CROT: variants seen among roughly 807,000 people sequenced by gnomAD.
The protein encoded by CROT is peroxisomal carnitine O-octanoyltransferase.
A neutral mutation model predicts 89.2 loss-of-function variants in CROT; 84 were observed. The observed-to-expected ratio is 0.94, with a 90% CI of 0.79 to 1.13. The LOEUF is 1.13. Ranked by LOEUF, CROT falls within the 50% of genes most tolerant of loss-of-function variation. The probability of loss-of-function intolerance (pLI) is 0.00; values close to 1 mark genes in which losing one functional copy is unlikely to be tolerated. For synonymous variants in CROT, 212 were observed against 239.5 expected (o/e 0.89, Z 1.06); for missense variants, 711 against 727.8 (o/e 0.98, Z 0.27).
In CROT at chr7:87,367,667, T is replaced by C. The variant is rs576227057; in HGVS notation, c.548-1709T>C. Among the ~76,000 whole-genome samples, 5 of 152,364 alleles carry C rather than the reference T, an allele frequency of 3.3e-5. No homozygotes were observed. The South Asian group carries it at 1.0e-3, about 32-fold the overall frequency. On this transcript the variant is annotated intron_variant, in intron 6 of 17. Transcript: ENST00000331536. The stretch of plus-strand genomic sequence containing the variant: ...AAGGACAACTCTTCTATATCTGTGC[T>C]GAGTCCCGCTTCCTCTTGCTTAGTC...
At chr7:87,398,335 A>C in intron 17 of CROT, 189 bp from the exon 18 acceptor site, 1 of 718,582 alleles carries the variant, frequency 1.4e-6, no homozygotes, top group Non-Finnish European at 2.5e-6. Context: ...CATCTAATGA[A>C]TGAGGTGTTT....
intron 7 of CROT, among the ~76,000 whole-genome samples, chr7:87,373,004 T>G (rs964198850): frequency 6.6e-6 from 1 of 152,142 alleles, no homozygotes; most frequent in Non-Finnish European, 1.5e-5. Flanking sequence ...AGGGGTAGAA[T>G]TGCCAGGTCA....
intron 13 of CROT, among the ~76,000 whole-genome samples, chr7:87,385,031 A>T (rs542236537): frequency 3.3e-4 from 50 of 152,088 alleles, no homozygotes; most frequent in African/African-American, 1.1e-3. Flanking sequence ...TGGGTTCTCT[A>T]TTCTGTTCCA....
intron 7 of CROT, among the ~76,000 whole-genome samples, chr7:87,374,965 T>G (rs802062): frequency 0.88 from 133,360 of 151,938 alleles, 58,713 homozygotes; most frequent in Middle Eastern, 0.94. Flanking sequence ...TTGACTGATG[T>G]AAATTTCTTT....
intron 3 of CROT, chr7:87,357,636 C>T (rs1449684121): frequency 6.3e-6 from 5 of 799,016 alleles, no homozygotes; most frequent in Non-Finnish European, 1.1e-5. Context: ...TTGAAAGCTA[C>T]TCCATTGCGG....
At chr7:87,368,777 A>T (rs1015553200) in intron 6 of CROT, among the ~76,000 whole-genome samples, 7 of 152,244 alleles carry the variant, frequency 4.6e-5, no homozygotes, top group Non-Finnish European at 7.3e-5. Context: ...ATATCAGAAT[A>T]GTCTGAGGTT....
At position 87,361,241 on chromosome 7, in the gene CROT, G is replaced by T. The variant is rs1035577999; in HGVS notation, c.241-149G>T. 9 of 755,618 alleles carry T rather than the reference G, an allele frequency of 1.2e-5. No individual in the cohort carries two copies. The African/African-American group carries it at 1.6e-4, about 14-fold the overall frequency. 46.8% of individuals were successfully genotyped at this position (755,618 alleles called of 1,614,324 possible). On this transcript the variant is annotated intron_variant, in intron 4 of 17. Coordinates refer to ENST00000331536, the MANE Select transcript of CROT (RefSeq NM_021151.4). Reference sequence around the variant, plus strand: ...GCCTCCCAAAGTGCTGGGATTATAGGTGTGAGTCACCTCACCCAGCCAAAA... The same window carrying T: ...GCCTCCCAAAGTGCTGGGATTATAGTTGTGAGTCACCTCACCCAGCCAAAA...
At chr7:87,367,940 C>G (rs1388696964) in intron 6 of CROT, among the ~76,000 whole-genome samples, 1 of 152,180 alleles carries the variant, frequency 6.6e-6, no homozygotes, top group Non-Finnish European at 1.5e-5. Flanking sequence ...CTCCATGTAA[C>G]AGCTGGAGGG....
At chr7:87,377,706 T>C (rs1233659837) in intron 10 of CROT, among the ~76,000 whole-genome samples, 1 of 152,204 alleles carries the variant, frequency 6.6e-6, no homozygotes, top group Non-Finnish European at 1.5e-5. Context: ...ATATAAGCTC[T>C]TAAAACCCAG....
intron 4 of CROT, among the ~76,000 whole-genome samples, chr7:87,361,179 C>A (rs79138769): frequency 0.028 from 4,242 of 151,110 alleles, 91 homozygotes; most frequent in South Asian, 0.059. Context: ...CCCAGGCTGG[C>A]CTCTAGGTCC....
At chr7:87,396,241 C>A (rs939736405) in intron 17 of CROT, among the ~76,000 whole-genome samples, 1 of 152,072 alleles carries the variant, frequency 6.6e-6, no homozygotes, top group Non-Finnish European at 1.5e-5. Context: ...CCATCCTGAG[C>A]AATATAGTAA....
chr7:87,349,157 A>G lies in CROT; in HGVS notation c.89A>G (p.Glu30Gly). 2 of 1,587,596 alleles carry G rather than the reference A, an allele frequency of 1.3e-6. No homozygotes were observed. The highest frequency in any genetic ancestry group is 2.3e-5 in the South Asian group (2 of 88,456). ...LPSLPVPSLEESLKKYLESVK... is the reference protein window; with the variant it reads ...LPSLPVPSLEGSLKKYLESVK... ...TCACTGCCTGTTCCTTCACTTGAAG[A>G]ATCATTAAAAAAATACCTTGAATCA... Residue 30 changes from glutamate to glycine, a missense_variant, in exon 3 of 18, where the codon GAA becomes GGA. Glu to Gly is a moderately conservative substitution (Grantham distance 98). Coordinates refer to ENST00000331536, the MANE Select transcript of CROT (RefSeq NM_021151.4).
rs1445077930 is a variant in CROT, at chr7:87,399,138, A to T, written c.*494A>T. 1 of 155,912 alleles carries T rather than the reference A, an allele frequency of 6.4e-6. No homozygotes were observed. Among genetic ancestry groups the T allele is most frequent in the Non-Finnish European group, 1.4e-5 (1 of 70,654 alleles). 9.7% of individuals were successfully genotyped at this position (155,912 alleles called of 1,614,324 possible). A position where few individuals can be genotyped will look rare whatever the true frequency, so the allele number is the denominator to read the frequency against. On this transcript the variant is annotated 3_prime_UTR_variant, in exon 18 of 18. Transcript: ENST00000331536. ...TTCACCACAGGGATACAAGCCTGTT[A>T]TGTTTGATGGGAAAGACCACTACAA... is the stretch of plus-strand genomic sequence containing the variant.
chr7:87,392,846 A>G (rs1021717552), intron 16 of CROT, 23 bp downstream of exon 16: 17 of 1,609,364 alleles, frequency 1.1e-5, no homozygotes, highest in Non-Finnish European at 1.4e-5. Flanking sequence ...AGTGTTTTAC[A>G]GCTTCATCAA....
intron 7 of CROT, chr7:87,375,405 AAATTT>A: frequency 2.2e-6 from 1 of 454,886 alleles, no homozygotes; most frequent in Non-Finnish European, 3.9e-6. Context: ...GCCAATAACT[AAATTT>A]ATTTACTGAA....
At chr7:87,366,957 G>T (rs527358038) in intron 6 of CROT, among the ~76,000 whole-genome samples, 235 of 152,204 alleles carry the variant, frequency 1.5e-3, no homozygotes, top group Non-Finnish European at 2.7e-3. Context: ...TATGCCTTTC[G>T]CTCTCCTTCT....
chr7:87,348,103 TA>T (rs536106765), intron 2 of CROT, among the ~76,000 whole-genome samples: 2 of 152,316 alleles, frequency 1.3e-5, no homozygotes, highest in South Asian at 4.1e-4. Flanking sequence ...CTATCAGTTT[TA>T]AAAAATAGTT....
intron 13 of CROT, among the ~76,000 whole-genome samples, chr7:87,390,646 G>A (rs745839911): frequency 1.3e-5 from 2 of 152,112 alleles, no homozygotes; most frequent in Non-Finnish European, 2.9e-5. Context: ...AAGAAAGTAA[G>A]AGAGTTTTAT....
At chr7:87,379,318 T>C (rs1806915325) in intron 10 of CROT, among the ~76,000 whole-genome samples, 1 of 152,228 alleles carries the variant, frequency 6.6e-6, no homozygotes, top group Admixed American at 6.5e-5. Context: ...TTGTTATATA[T>C]GTAACTTGCA....
Sources: gnomAD v4.1 joint callset for allele counts (sites outside exome capture counted in the v4.1 genomes callset) on GRCh38, gnomAD v4.1.1 for gene constraint, MANE v1.5 for transcripts, NCBI Gene and HGNC (gene_info 2026-07-23, HGNC 2026-07-21) for gene names.